The following OR51B5 variants were observed in gnomAD, a reference collection of about 807,000 sequenced individuals.
The protein encoded by OR51B5 is olfactory receptor 51B5.
For synonymous variants in OR51B5, 186 were observed against 144.8 expected, an observed-to-expected ratio of 1.28 and a Z score of -2.04; for missense variants, 456 against 374.6, an observed-to-expected ratio of 1.22 and a Z score of -1.79.
At chr11:5,383,656 G>A (rs1026632631) in intron 1 of OR51B5, among the ~76,000 whole-genome samples, 6 of 152,176 alleles carry the variant, frequency 3.9e-5, no homozygotes, top group African/African-American at 9.7e-5. Flanking sequence ...GGGACTGAAT[G>A]CTAAAAAGTT....
intron 1 of OR51B5, among the ~76,000 whole-genome samples, chr11:5,361,717 T>C (rs1849287804): frequency 6.6e-6 from 1 of 151,520 alleles, no homozygotes; most frequent in Admixed American, 6.6e-5. Context: ...AGAGGGAAAA[T>C]CCTAGATCTC....
chr11:5,463,907 G>A (rs1057323815), intron 1 of OR51B5, among the ~76,000 whole-genome samples: 1 of 152,186 alleles, frequency 6.6e-6, no homozygotes, highest in Non-Finnish European at 1.5e-5. Context: ...TGATTTGAAT[G>A]GCTGCACTGT....
chr11:5,401,917 CTCT>C (rs1278673514), intron 1 of OR51B5, among the ~76,000 whole-genome samples: 4 of 148,758 alleles, frequency 2.7e-5, no homozygotes, highest in Non-Finnish European at 4.4e-5. Flanking sequence ...TTCTCTCTCT[CTCT>C]TCTTTCCTTT....
chr11:5,403,489 C>T (rs1850006808), intron 1 of OR51B5: 1 of 471,650 alleles, frequency 2.1e-6, no homozygotes, highest in South Asian at 1.5e-5. Context: ...AGCATTAAGA[C>T]CAAGGAGATC....
At chr11:5,480,310 G>T (rs1011218382) in intron 1 of OR51B5, among the ~76,000 whole-genome samples, 1 of 150,374 alleles carries the variant, frequency 6.7e-6, no homozygotes, top group African/African-American at 2.4e-5. Flanking sequence ...TGAAACCAAC[G>T]AGAACAAAGA....
chr11:5,377,697 A>T (rs938429449), intron 1 of OR51B5, among the ~76,000 whole-genome samples: 1 of 152,126 alleles, frequency 6.6e-6, no homozygotes, highest in Non-Finnish European at 1.5e-5. Context: ...ATCATGAGGG[A>T]ACTCCCATTC....
At chr11:5,394,181 C>T (rs552739088) in intron 1 of OR51B5, among the ~76,000 whole-genome samples, 74 of 151,850 alleles carry the variant, frequency 4.9e-4, no homozygotes, top group Non-Finnish European at 9.7e-4. Context: ...ATATTATAAC[C>T]TAGGTATTAT....
chr11:5,394,230 CAA>C (rs1849836777), intron 1 of OR51B5, among the ~76,000 whole-genome samples: 1 of 151,996 alleles, frequency 6.6e-6, no homozygotes, highest in East Asian at 1.9e-4. Flanking sequence ...TTTATCTTGA[CAA>C]TAACCTTATG....
intron 1 of OR51B5, among the ~76,000 whole-genome samples, chr11:5,369,372 C>G (rs17356507): frequency 0.11 from 16,858 of 152,060 alleles, 1,055 homozygotes; most frequent in South Asian, 0.15. Flanking sequence ...ATTTTAGCAG[C>G]CACTATTTGC....
intron 1 of OR51B5, chr11:5,454,171 C>T (rs772829220): frequency 1.2e-5 from 20 of 1,613,494 alleles, no homozygotes; most frequent in Non-Finnish European, 1.7e-5. Context: ...GTCATGGCCA[C>T]TGCTTCCCGT....
At position 5,387,008 on chromosome 11, in the gene OR51B5, A is replaced by C. The variant is rs11037150; in HGVS notation, n.85-40098T>G. ...ACACCTAGTGAGAAGGCAGAAACTC[A>C]GGCCTGATATGTAACGGAGTTATCT... On this transcript the variant is annotated intron_variant and non_coding_transcript_variant, in intron 1 of 4. Coordinates refer to the OR51B5 transcript ENST00000415970. 4.1e-3 allele frequency among the ~76,000 whole-genome samples: 628 copies of C among 152,156 alleles called. 7 individuals are homozygous for C. The highest frequency in any genetic ancestry group is 0.014 in the African/African-American group (590 of 41,486).
chr11:5,365,319 G>T (rs548481792), intron 1 of OR51B5, among the ~76,000 whole-genome samples: 2 of 152,156 alleles, frequency 1.3e-5, no homozygotes, highest in Non-Finnish European at 2.9e-5. Flanking sequence ...TGGAAAACAT[G>T]GGTATAGAGC....
intron 1 of OR51B5, among the ~76,000 whole-genome samples, chr11:5,452,804 C>G (rs1850877174): frequency 6.6e-6 from 1 of 152,202 alleles, no homozygotes; most frequent in Admixed American, 6.5e-5. Flanking sequence ...TATTTAGGGA[C>G]AAATACATAA....
intron 1 of OR51B5, among the ~76,000 whole-genome samples, chr11:5,413,552 G>A (rs971643860): frequency 6.6e-6 from 1 of 152,094 alleles, no homozygotes; most frequent in Non-Finnish European, 1.5e-5. Flanking sequence ...TTAGATGAAT[G>A]TATAACTAGA....
chr11:5,451,718 C>T (rs1006750393), intron 1 of OR51B5, among the ~76,000 whole-genome samples: 2 of 152,128 alleles, frequency 1.3e-5, no homozygotes, highest in African/African-American at 2.4e-5. Context: ...TCATTCCCAT[C>T]AGAAAGAACT....
intron 1 of OR51B5, among the ~76,000 whole-genome samples, chr11:5,474,412 C>G (rs1289653236): frequency 6.6e-6 from 1 of 152,122 alleles, no homozygotes; most frequent in African/African-American, 2.4e-5. Context: ...AATAATCAAG[C>G]AGGTCTATAG....
At chr11:5,387,505 A>G (rs1326334278) in intron 1 of OR51B5, among the ~76,000 whole-genome samples, 1 of 152,160 alleles carries the variant, frequency 6.6e-6, no homozygotes, top group East Asian at 1.9e-4. Flanking sequence ...TCCATGCAGC[A>G]CCTCTGCTCT....
At chr11:5,453,612 A>C (rs1303632677) in intron 1 of OR51B5, 3 of 1,613,722 alleles carry the variant, frequency 1.9e-6, no homozygotes, top group Non-Finnish European at 2.5e-6. Flanking sequence ...CCTTGGGGGA[A>C]ATACAGTGAT....
At chr11:5,404,177 G>A (rs1850021755) in intron 1 of OR51B5, among the ~76,000 whole-genome samples, 1 of 136,024 alleles carries the variant, frequency 7.4e-6, no homozygotes. Context: ...GGCGGGGAGG[G>A]CGGGGGGCGG....
Sources: gnomAD v4.1 joint callset for allele counts (sites outside exome capture counted in the v4.1 genomes callset) on GRCh38, gnomAD v4.1.1 for gene constraint, MANE v1.5 for transcripts, NCBI Gene and HGNC (gene_info 2026-07-23, HGNC 2026-07-21) for gene names.